The following CNTN5 variants were observed in gnomAD, a reference collection of about 807,000 sequenced individuals.
CNTN5 encodes the protein contactin 5.
In CNTN5, 77 loss-of-function variants were observed where a neutral mutation model predicts 129.1. The observed-to-expected ratio is 0.60, with a 90% confidence interval of 0.50 to 0.72. The LOEUF is 0.72. Ranked by LOEUF, CNTN5 falls within the 30% of genes least tolerant of loss-of-function variation. CNTN5 has a pLI of 0.00. For missense variants in CNTN5, 1,478 were observed against 1,328.8 expected, an observed-to-expected ratio of 1.11 and a Z score of -1.75; for synonymous variants, 509 against 465.6, an observed-to-expected ratio of 1.09 and a Z score of -1.20.
chr11:100,314,445 T>C (rs1951538243), intron 21 of CNTN5, among the ~76,000 whole-genome samples: 1 of 152,146 alleles, frequency 6.6e-6, no homozygotes, highest in South Asian at 2.1e-4. Context: ...TGAAGTCATG[T>C]ACACAGATTT....
chr11:99,981,347 G>A (rs1050889524), intron 8 of CNTN5, among the ~76,000 whole-genome samples: 1 of 151,960 alleles, frequency 6.6e-6, no homozygotes, highest in African/African-American at 2.4e-5. Flanking sequence ...CCGAAGGCCA[G>A]GAGGCCTGGA....
At chr11:99,894,824 T>C (rs1949162382) in intron 6 of CNTN5, among the ~76,000 whole-genome samples, 1 of 152,170 alleles carries the variant, frequency 6.6e-6, no homozygotes, top group South Asian at 2.1e-4. Context: ...GGTTTTGGAT[T>C]TAGAAACATC....
At chr11:99,822,693 G>GA (rs1008432145) in intron 4 of CNTN5, among the ~76,000 whole-genome samples, 1 of 152,076 alleles carries the variant, frequency 6.6e-6, no homozygotes, top group African/African-American at 2.4e-5. Context: ...TTTCTTGAAA[G>GA]AAAAAATCTG....
At chr11:99,237,353 T>C (rs1861324845) in intron 1 of CNTN5, among the ~76,000 whole-genome samples, 1 of 152,148 alleles carries the variant, frequency 6.6e-6, no homozygotes, top group Non-Finnish European at 1.5e-5. Context: ...ATTTATTAGT[T>C]TTATTATCCA....
At chr11:99,319,085 G>A (rs1865458252) in intron 1 of CNTN5, among the ~76,000 whole-genome samples, 1 of 152,040 alleles carries the variant, frequency 6.6e-6, no homozygotes, top group Non-Finnish European at 1.5e-5. Flanking sequence ...GGCTCTGTGG[G>A]GGAAAAAGCA....
chr11:99,254,323 T>C (rs995396390), intron 1 of CNTN5, among the ~76,000 whole-genome samples: 1 of 151,986 alleles, frequency 6.6e-6, no homozygotes, highest in African/African-American at 2.4e-5. Flanking sequence ...CAGTGATGTA[T>C]TGCTTTCACG....
At chr11:100,058,053 T>C (rs1943307262) in intron 9 of CNTN5, among the ~76,000 whole-genome samples, 1 of 152,140 alleles carries the variant, frequency 6.6e-6, no homozygotes, top group Non-Finnish European at 1.5e-5. Context: ...TACACTTAAC[T>C]ACTAGAATAT....
At chr11:99,372,459 T>C (rs1939881663) in intron 2 of CNTN5, among the ~76,000 whole-genome samples, 1 of 151,984 alleles carries the variant, frequency 6.6e-6, no homozygotes, top group African/African-American at 2.4e-5. Context: ...AGACACAGAG[T>C]GTTAAAACAA....
chr11:99,798,799 A>G (rs996590417), intron 3 of CNTN5, among the ~76,000 whole-genome samples: 1 of 152,138 alleles, frequency 6.6e-6, no homozygotes, highest in African/African-American at 2.4e-5. Flanking sequence ...AGCTCTGTGA[A>G]GAATGATGTT....
intron 9 of CNTN5, among the ~76,000 whole-genome samples, chr11:100,019,059 A>G (rs993180979): frequency 3.9e-5 from 6 of 151,904 alleles, no homozygotes; most frequent in African/African-American, 1.4e-4. Context: ...CCTTTATCAT[A>G]TATGTGATTC....
chr11:99,053,356 G>T (rs1206424892), intron 1 of CNTN5, among the ~76,000 whole-genome samples: 1 of 151,888 alleles, frequency 6.6e-6, no homozygotes, highest in African/African-American at 2.4e-5. Flanking sequence ...CATGCCAAAT[G>T]TACATTCTTT....
At chr11:99,058,179 T>C (rs963484977) in intron 1 of CNTN5, among the ~76,000 whole-genome samples, 3 of 152,018 alleles carry the variant, frequency 2.0e-5, no homozygotes. Flanking sequence ...TGAAGAGTTT[T>C]GAGCATAGTA....
chr11:99,037,822 A>G (rs977117057), intron 1 of CNTN5, among the ~76,000 whole-genome samples: 1 of 151,428 alleles, frequency 6.6e-6, no homozygotes, highest in African/African-American at 2.4e-5. Context: ...TCATGATCCA[A>G]AAGTGCTGGG....
chr11:100,082,230 C>A (rs1258967271), intron 13 of CNTN5, among the ~76,000 whole-genome samples: 1 of 152,044 alleles, frequency 6.6e-6, no homozygotes, highest in Non-Finnish European at 1.5e-5. Flanking sequence ...TAGTCATAGT[C>A]CATATAGGAA....
At chr11:99,095,920 T>C (rs1866453078) in intron 1 of CNTN5, among the ~76,000 whole-genome samples, 1 of 151,922 alleles carries the variant, frequency 6.6e-6, no homozygotes, top group African/African-American at 2.4e-5. Context: ...ATAAATTGGT[T>C]TTATTTCTTT....
chr11:99,822,865 A>G (rs182120183), intron 4 of CNTN5, among the ~76,000 whole-genome samples: 1 of 152,324 alleles, frequency 6.6e-6, no homozygotes, highest in East Asian at 1.9e-4. Context: ...ACTCCCAACA[A>G]TGGGTTACAA....
chr11:99,959,848 C>A (rs1462625946), intron 8 of CNTN5, among the ~76,000 whole-genome samples: 1 of 152,118 alleles, frequency 6.6e-6, no homozygotes, highest in Non-Finnish European at 1.5e-5. Context: ...TTATTTTTTA[C>A]CAGAGAAGCT....
intron 10 of CNTN5, among the ~76,000 whole-genome samples, chr11:100,061,683 T>C (rs1943490270): frequency 6.6e-6 from 1 of 152,158 alleles, no homozygotes. Flanking sequence ...AAGTTAAAAA[T>C]CTTGGAAAAC....
At chr11:100,042,228 T>TCTC (rs201423521) in intron 9 of CNTN5, among the ~76,000 whole-genome samples, 3 of 132,626 alleles carry the variant, frequency 2.3e-5, no homozygotes, top group Non-Finnish European at 4.8e-5. Context: ...GTTCTCTCTC[T>TCTC]TTTTTTTTTT....
Sources: gnomAD v4.1 joint callset for allele counts (sites outside exome capture counted in the v4.1 genomes callset) on GRCh38, gnomAD v4.1.1 for gene constraint, MANE v1.5 for transcripts, NCBI Gene and HGNC (gene_info 2026-07-23, HGNC 2026-07-21) for gene names.